The following PWWP2A variants were observed in gnomAD, a reference collection of about 807,000 sequenced individuals.
The protein encoded by PWWP2A is PWWP domain-containing protein 2A.
In PWWP2A, 18 loss-of-function variants were observed where a neutral mutation model predicts 48.5. The observed-to-expected ratio is 0.37, with a 90% CI of 0.26 to 0.55. The LOEUF (loss-of-function observed/expected upper bound fraction) is 0.55. Ranked by LOEUF, PWWP2A falls within the 20% of genes least tolerant of loss-of-function variation. The pLI, the probability that PWWP2A is intolerant of heterozygous loss-of-function variation, is 0.81. For missense variants in PWWP2A, 867 were observed against 976.4 expected (o/e 0.89, Z 1.49); for synonymous variants, 396 against 387.7 (o/e 1.02, Z -0.25).
downstream of PWWP2A, among the ~76,000 whole-genome samples, chr5:160,088,635 A>C (rs898312408): frequency 6.6e-6 from 1 of 152,218 alleles, no homozygotes; most frequent in Non-Finnish European, 1.5e-5. Context: ...CCCAACTTAG[A>C]AACTGAGTCT....
intron 1 of PWWP2A, among the ~76,000 whole-genome samples, chr5:160,107,581 C>T (rs767643753): frequency 8.5e-5 from 13 of 152,168 alleles, no homozygotes; most frequent in Non-Finnish European, 1.8e-4. Context: ...AAGATAAGCA[C>T]ATAATATATA....
intron 1 of PWWP2A, among the ~76,000 whole-genome samples, chr5:160,107,588 T>C (rs1191543580): frequency 6.6e-6 from 1 of 152,220 alleles, no homozygotes; most frequent in African/African-American, 2.4e-5. Flanking sequence ...GCACATAATA[T>C]ATAAACTCTT....
downstream of PWWP2A, chr5:160,090,749 G>C (rs1441159589): frequency 1.0e-6 from 1 of 958,286 alleles, no homozygotes; most frequent in Non-Finnish European, 1.2e-6. Flanking sequence ...ACAAAAAACT[G>C]CTAAATTTTA....
intron 1 of PWWP2A, among the ~76,000 whole-genome samples, chr5:160,106,006 A>C (rs188314060): frequency 6.6e-5 from 10 of 152,194 alleles, no homozygotes; most frequent in African/African-American, 2.4e-4. Context: ...ACCCAGGACC[A>C]TGTAGAAGAA....
chr5:160,069,177 TGAG>T (rs1753685523), intron 2 of PWWP2A, among the ~76,000 whole-genome samples: 1 of 151,872 alleles, frequency 6.6e-6, no homozygotes, highest in Admixed American at 6.6e-5. Flanking sequence ...CCCAGCTACT[TGAG>T]GGGCTGAGGC....
chr5:160,085,722 G>A (rs1754582759), intron 2 of PWWP2A, among the ~76,000 whole-genome samples: 1 of 151,882 alleles, frequency 6.6e-6, no homozygotes. Context: ...GGTCATGCTG[G>A]TCTTGAACTC....
chr5:160,087,886 T>C (rs1178333499), downstream of PWWP2A, among the ~76,000 whole-genome samples: 4 of 152,216 alleles, frequency 2.6e-5, no homozygotes, highest in African/African-American at 9.6e-5. Context: ...TTATCTTATA[T>C]TAGTGTCAAT....
chr5:160,110,292 C>T (rs543621738), intron 1 of PWWP2A, among the ~76,000 whole-genome samples: 1 of 152,048 alleles, frequency 6.6e-6, no homozygotes, highest in South Asian at 2.1e-4. Flanking sequence ...CTAAGGTGCC[C>T]GGCCAACAGT....
intron 4 of PWWP2A, among the ~76,000 whole-genome samples, chr5:160,064,189 G>C (rs771308283): frequency 3.3e-5 from 5 of 151,886 alleles, no homozygotes; most frequent in Non-Finnish European, 7.4e-5. Flanking sequence ...GGCTGGTCTC[G>C]AACTCCTGAC....
intron 1 of PWWP2A, among the ~76,000 whole-genome samples, chr5:160,097,991 G>A (rs1755865206): frequency 6.6e-6 from 1 of 152,190 alleles, no homozygotes; most frequent in African/African-American, 2.4e-5. Context: ...TGGGATTACA[G>A]GCGTGAGCCA....
chr5:160,117,977 T>C (rs1243677727), intron 1 of PWWP2A: 15 of 620,152 alleles, frequency 2.4e-5, no homozygotes, highest in Non-Finnish European at 3.0e-5. Context: ...ACAGGTTCTC[T>C]TCCCCTGTTG....
intron 2 of PWWP2A, among the ~76,000 whole-genome samples, chr5:160,081,753 G>A (rs1026969180): frequency 6.6e-6 from 1 of 152,178 alleles, no homozygotes; most frequent in Non-Finnish European, 1.5e-5. Flanking sequence ...ATGAAGGACT[G>A]CTATCTTAAG....
At chr5:160,094,432 CT>C (rs1755404851) in intron 1 of PWWP2A, among the ~76,000 whole-genome samples, 2 of 152,338 alleles carry the variant, frequency 1.3e-5, no homozygotes, top group African/African-American at 4.8e-5. Flanking sequence ...GCAGCTACAA[CT>C]TTGTGAAACA....
intron 1 of PWWP2A, among the ~76,000 whole-genome samples, chr5:160,100,789 C>G (rs114915303): frequency 1.9e-3 from 289 of 152,166 alleles, no homozygotes; most frequent in African/African-American, 6.5e-3. Context: ...AAAGTTTAAC[C>G]TGAGAAAAAA....
In PWWP2A at chr5:160,092,819, T is replaced by C. The variant is rs958967355; in HGVS notation, c.1831A>G (p.Met611Val). 1.4e-5 allele frequency: 22 copies of C among 1,551,588 alleles called. No homozygotes were observed. The highest frequency in any genetic ancestry group is 3.6e-5 in the South Asian group (3 of 84,064). ...SESFDFPPGS[M>V]HAPSTSSTSS... The stretch of plus-strand genomic sequence containing the variant: ...GTGGAGGAGGTGGAAGGTGCATGCA[T>C]ACTGCCTGGAGGAAAATCAAAGCTT... Residue 611 changes from methionine to valine, a missense_variant, in exon 2 of 2, where the codon ATG (methionine) becomes GTG (valine). This residue lies in a region of PWWP2A where 382 missense variants were observed against 407.2 expected (regional missense o/e 0.94). Transcript: ENST00000307063.
chr5:160,066,887 TA>T (rs541544720), intron 2 of PWWP2A: 21 of 148,354 alleles, frequency 1.4e-4, no homozygotes, highest in Admixed American at 2.0e-4. Context: ...AAAAAAAGTT[TA>T]AAAAAAAAAA....
At chr5:160,062,817 T>C (rs111288214) in intron 5 of PWWP2A, among the ~76,000 whole-genome samples, 6 of 151,438 alleles carry the variant, frequency 4.0e-5, no homozygotes, top group Admixed American at 6.6e-5. Flanking sequence ...GTTTTTTTTT[T>C]CCCCCTTCCT....
At position 160,077,447 on chromosome 5, in the gene PWWP2A, G is replaced by A. The variant is rs1290313668; in HGVS notation, c.*708C>T. 1 of 152,188 alleles carries A rather than the reference G, an allele frequency of 6.6e-6. No individual in the cohort carries two copies. The allele number at this position is 152,188 out of a possible 1,614,324, so 9.4% of individuals were successfully genotyped here. ...AAGGTAAGAATGTAATTATGAAAAT[G>A]TGCACAAAATGTTAAATACTAGTGG... On this transcript the variant is annotated 3_prime_UTR_variant, in exon 4 of 4. Transcript: ENST00000456329. This position sits in a 1 kb window ranked among gnomAD's most constrained non-coding sequence, Gnocchi z 4.2.
At chr5:160,057,746 G>T (rs991322629), downstream of PWWP2A, among the ~76,000 whole-genome samples, 1 of 152,104 alleles carries the variant, frequency 6.6e-6, no homozygotes, top group African/African-American at 2.4e-5. This position sits in a 1 kb window ranked among gnomAD's most constrained non-coding sequence, Gnocchi z 4.4. Flanking sequence ...ATCAGCTAAG[G>T]TTATGTAATA....
Sources: gnomAD v4.1 joint callset for allele counts (sites outside exome capture counted in the v4.1 genomes callset) on GRCh38, gnomAD v4.1.1 for gene constraint, gnomAD v4.1.1 regional missense constraint, Gnocchi (gnomAD v3.1) non-coding constraint, MANE v1.5 for transcripts, NCBI Gene and HGNC (gene_info 2026-07-23, HGNC 2026-07-21) for gene names.